NAALADL2: variants seen among roughly 807,000 people sequenced by gnomAD.
NAALADL2 encodes inactive N-acetylated-alpha-linked acidic dipeptidase-like protein 2.
A neutral mutation model predicts 87.2 loss-of-function variants in NAALADL2; 76 were observed. That is an observed-to-expected ratio of 0.87 (90% CI 0.72 to 1.05). NAALADL2 has a LOEUF of 1.05. NAALADL2 is among the 50% of genes least tolerant of loss of function. The probability of loss-of-function intolerance (pLI) is 0.00; values close to 1 mark genes in which losing one functional copy is unlikely to be tolerated. For synonymous variants in NAALADL2, 354 were observed against 331.0 expected, an observed-to-expected ratio of 1.07 and a Z score of -0.75; for missense variants, 1,089 against 945.8, an observed-to-expected ratio of 1.15 and a Z score of -1.99.
intron 2 of NAALADL2, among the ~76,000 whole-genome samples, chr3:174,617,240 G>A (rs1720550818): frequency 1.3e-5 from 2 of 151,530 alleles, no homozygotes; most frequent in East Asian, 1.9e-4. Flanking sequence ...GAATATTTTT[G>A]TATACTTACA....
At chr3:175,790,103 C>T (rs542995775) in intron 13 of NAALADL2, among the ~76,000 whole-genome samples, 2 of 152,242 alleles carry the variant, frequency 1.3e-5, no homozygotes, top group Admixed American at 1.3e-4. Context: ...TAATTACCAA[C>T]ACCAAGTAAT....
chr3:174,745,690 C>T (rs1734186498), intron 3 of NAALADL2, among the ~76,000 whole-genome samples: 1 of 152,114 alleles, frequency 6.6e-6, no homozygotes, highest in Non-Finnish European at 1.5e-5. Context: ...TGAAAATCCT[C>T]AGTAAAATAT....
chr3:174,610,836 A>T (rs965028940), intron 2 of NAALADL2, among the ~76,000 whole-genome samples: 16 of 152,160 alleles, frequency 1.1e-4, no homozygotes, highest in Non-Finnish European at 1.9e-4. Flanking sequence ...AAGGACTATA[A>T]ATCATGCTGC....
chr3:174,563,087 ATGATT>A (rs1713821537), intron 2 of NAALADL2, among the ~76,000 whole-genome samples: 1 of 152,018 alleles, frequency 6.6e-6, no homozygotes, highest in Non-Finnish European at 1.5e-5. Context: ...TTTGGCTGAA[ATGATT>A]TTGTTAATTT....
chr3:175,291,005 A>G (rs1755576976), intron 4 of NAALADL2, among the ~76,000 whole-genome samples: 1 of 152,152 alleles, frequency 6.6e-6, no homozygotes, highest in Non-Finnish European at 1.5e-5. Flanking sequence ...GATTTATTTT[A>G]TGTATACATT....
intron 1 of NAALADL2, among the ~76,000 whole-genome samples, chr3:174,969,634 G>C (rs1743344450): frequency 6.6e-6 from 1 of 152,104 alleles, no homozygotes; most frequent in African/African-American, 2.4e-5. Flanking sequence ...CTTTGAGATA[G>C]GACAACACCT....
At chr3:175,319,915 G>C (rs1479426212) in intron 4 of NAALADL2, among the ~76,000 whole-genome samples, 1 of 152,194 alleles carries the variant, frequency 6.6e-6, no homozygotes, top group Non-Finnish European at 1.5e-5. Context: ...CTAAGTGCAA[G>C]GTGTACAATG....
intron 1 of NAALADL2, among the ~76,000 whole-genome samples, chr3:174,454,608 T>C (rs771523807): frequency 7.2e-5 from 11 of 152,154 alleles, no homozygotes; most frequent in Non-Finnish European, 1.6e-4. Flanking sequence ...TACTATTACA[T>C]GGAAATTGAA....
intron 1 of NAALADL2, among the ~76,000 whole-genome samples, chr3:174,911,736 T>C (rs763617192): frequency 6.6e-6 from 1 of 152,168 alleles, no homozygotes; most frequent in South Asian, 2.1e-4. Context: ...GTTTCCCTTG[T>C]TCCTGAGTTC....
intron 11 of NAALADL2, among the ~76,000 whole-genome samples, chr3:175,698,503 A>ATATATATATATATATATATATAT (rs1491393693): frequency 5.7e-5 from 8 of 141,320 alleles, no homozygotes; most frequent in African/African-American, 1.6e-4. Flanking sequence ...ATATATATAT[A>ATATATATATATATATATATATAT]AAATCTCCAA....
At chr3:174,446,903 A>C (rs1000073700) in intron 1 of NAALADL2, among the ~76,000 whole-genome samples, 1 of 152,140 alleles carries the variant, frequency 6.6e-6, no homozygotes. Context: ...GGATCTGATG[A>C]GAAGATGAAG....
intron 11 of NAALADL2, among the ~76,000 whole-genome samples, chr3:175,720,677 G>A (rs905711134): frequency 1.3e-5 from 2 of 152,026 alleles, no homozygotes; most frequent in Admixed American, 6.6e-5. Flanking sequence ...GAAGTGGCTC[G>A]TAGGGGTAAA....
At chr3:175,671,591 T>C (rs1207155433) in intron 11 of NAALADL2, among the ~76,000 whole-genome samples, 2 of 152,048 alleles carry the variant, frequency 1.3e-5, no homozygotes, top group African/African-American at 4.8e-5. Context: ...TATTCTCTGA[T>C]GATTTGTGTC....
chr3:175,663,678 A>C (rs1031059990), intron 11 of NAALADL2, among the ~76,000 whole-genome samples: 1 of 151,916 alleles, frequency 6.6e-6, no homozygotes, highest in African/African-American at 2.4e-5. Flanking sequence ...AGAGAGTTTT[A>C]TGAAGAATCT....
chr3:175,423,585 AG>A (rs1280312716), intron 5 of NAALADL2, among the ~76,000 whole-genome samples: 1 of 152,100 alleles, frequency 6.6e-6, no homozygotes, highest in Non-Finnish European at 1.5e-5. Context: ...GTCCCTACAA[AG>A]GACATGAACT....
rs540637685 is a variant in NAALADL2 at position 174,605,246 on chromosome 3, C to A, written c.-115+54609C>A. On this transcript the variant is annotated intron_variant, in intron 2 of 3. Coordinates refer to the NAALADL2 transcript ENST00000434257. Reference sequence around the variant, plus strand: ...CTCCCAGCGTGAGCAACGCAGAAGACGGGTGATTTCTGCATTTCCATCTGA... The same window carrying A: ...CTCCCAGCGTGAGCAACGCAGAAGAAGGGTGATTTCTGCATTTCCATCTGA... Among the ~76,000 whole-genome samples the A allele has an allele frequency of 4.1e-3, 620 of 152,254 alleles. 4 individuals are homozygous for A. The highest frequency in any genetic ancestry group is 6.7e-3 in the Non-Finnish European group (455 of 68,018).
At chr3:174,690,145 ATTTCATTAAAT>A (rs1295922823) in intron 2 of NAALADL2, among the ~76,000 whole-genome samples, 23 of 152,306 alleles carry the variant, frequency 1.5e-4, no homozygotes, top group East Asian at 3.9e-4. Flanking sequence ...TCAAGATGTG[ATTTCATTAAAT>A]TATTTAAACA....
At chr3:175,520,897 GA>G in intron 9 of NAALADL2, among the ~76,000 whole-genome samples, 1 of 152,154 alleles carries the variant, frequency 6.6e-6, no homozygotes, top group East Asian at 1.9e-4. Context: ...AGAAGAAGAA[GA>G]AAACAAAGCC....
intron 11 of NAALADL2, among the ~76,000 whole-genome samples, chr3:175,639,531 A>G (rs1462682441): frequency 6.6e-6 from 1 of 151,906 alleles, no homozygotes; most frequent in Non-Finnish European, 1.5e-5. Context: ...AGTGTTAGCC[A>G]GGTTGGTCTT....
Sources: gnomAD v4.1 joint callset for allele counts (sites outside exome capture counted in the v4.1 genomes callset) on GRCh38, gnomAD v4.1.1 for gene constraint, MANE v1.5 for transcripts, NCBI Gene and HGNC (gene_info 2026-07-23, HGNC 2026-07-21) for gene names.